The following GALNT18 variants were observed in gnomAD, a reference collection of about 807,000 sequenced individuals.
GALNT18 encodes the protein GalNAc-transferase 18.
A neutral mutation model predicts 69.5 loss-of-function variants in GALNT18; 44 were observed. The ratio of observed to expected loss-of-function variants is 0.63; its 90% CI spans 0.50 to 0.81. GALNT18 has a LOEUF of 0.81. Ranked by LOEUF, GALNT18 falls within the 40% of genes least tolerant of loss-of-function variation. The pLI, the probability that GALNT18 is intolerant of heterozygous loss-of-function variation, is 0.00. For synonymous variants in GALNT18, 364 were observed against 318.2 expected, an observed-to-expected ratio of 1.14 and a Z score of -1.53; for missense variants, 715 against 810.0, an observed-to-expected ratio of 0.88 and a Z score of 1.42.
At chr11:11,400,386 A>C (rs977500874) in intron 3 of GALNT18, among the ~76,000 whole-genome samples, 1 of 152,242 alleles carries the variant, frequency 6.6e-6, no homozygotes, top group Non-Finnish European at 1.5e-5. Context: ...ATCATTAGAC[A>C]AAGTGTTCCT....
intron 6 of GALNT18, among the ~76,000 whole-genome samples, chr11:11,364,890 C>T (rs1393303063): frequency 6.6e-6 from 1 of 152,142 alleles, no homozygotes; most frequent in African/African-American, 2.4e-5. Context: ...AAAGATGAAA[C>T]CAAATTGGCC....
At chr11:11,316,805 G>A (rs191108018) in intron 9 of GALNT18, among the ~76,000 whole-genome samples, 9 of 152,304 alleles carry the variant, frequency 5.9e-5, no homozygotes, top group African/African-American at 2.2e-4. Context: ...GTGTGGAGCA[G>A]TAGGTTGTAA....
intron 1 of GALNT18, among the ~76,000 whole-genome samples, chr11:11,589,356 C>T (rs913195409): frequency 6.6e-6 from 1 of 152,164 alleles, no homozygotes; most frequent in Non-Finnish European, 1.5e-5. Context: ...AAGAAAAAAA[C>T]CAAAACAGAC....
At position 11,620,865 on chromosome 11, in the gene GALNT18, C is replaced by T. The variant is rs553234638; in HGVS notation, c.235+494G>A. Among the ~76,000 whole-genome samples, 156 of 152,344 alleles carry T rather than the reference C, an allele frequency of 1.0e-3. No individual in the cohort carries two copies. Among genetic ancestry groups the T allele is most frequent in the African/African-American group, 3.6e-3 (150 of 41,590 alleles). ...GCTGATACAACGCAATTTTCCTAGCCTCGCTTGTCCGGCAGCCTGCGGGTC... is the reference window on the plus strand; with the variant it reads ...GCTGATACAACGCAATTTTCCTAGCTTCGCTTGTCCGGCAGCCTGCGGGTC... On this transcript the variant is annotated intron_variant, in intron 1 of 10. Transcript: ENST00000227756. The surrounding 1 kb of genome is among the most constrained non-coding windows in gnomAD (Gnocchi z 6.9).
chr11:11,570,978 T>C (rs1858781217), intron 1 of GALNT18, among the ~76,000 whole-genome samples: 1 of 152,242 alleles, frequency 6.6e-6, no homozygotes, highest in East Asian at 1.9e-4. Flanking sequence ...GTGTTTTTCA[T>C]GGGCCCCAAG....
rs1856241594 is a variant in GALNT18, at chr11:11,470,300, A to C, written c.236-21364T>G. ...GACCCAGGCACCAAGGGACATCCACATTCTGTCTCTACATAGTCCTGTGCA... is the reference window on the plus strand; with the variant it reads ...GACCCAGGCACCAAGGGACATCCACCTTCTGTCTCTACATAGTCCTGTGCA... On this transcript the variant is annotated intron_variant, in intron 1 of 10. Transcript: ENST00000227756. The surrounding 1 kb of genome is among the most constrained non-coding windows in gnomAD (Gnocchi z 4.8). Among the ~76,000 whole-genome samples, 1 of 152,186 alleles carries C rather than the reference A, an allele frequency of 6.6e-6. No homozygotes were observed. The highest frequency in any genetic ancestry group is 6.5e-5 in the Admixed American group (1 of 15,272).
chr11:11,372,705 C>G lies in GALNT18; in HGVS notation c.978-76G>C. ...AGTAAGAGCAGTAAGGCCTTCCTAT[C>G]AGGAGGGTCTGGTTCTCTTCCTTCC... On this transcript the variant is annotated intron_variant, in intron 5 of 10. Coordinates refer to ENST00000227756, the MANE Select transcript of GALNT18 (RefSeq NM_198516.3). The surrounding 1 kb of genome is among the most constrained non-coding windows in gnomAD (Gnocchi z 4.9). 4 of 1,110,550 alleles carry G rather than the reference C, an allele frequency of 3.6e-6. No homozygotes were observed. Among genetic ancestry groups the G allele is most frequent in the Non-Finnish European group, 5.4e-6 (4 of 741,038 alleles). 68.8% of individuals were successfully genotyped at this position (1,110,550 alleles called of 1,614,324 possible).
chr11:11,537,231 C>T (rs928364741), intron 1 of GALNT18, among the ~76,000 whole-genome samples: 1 of 152,050 alleles, frequency 6.6e-6, no homozygotes, highest in African/African-American at 2.4e-5. Flanking sequence ...CGGGGTGGAG[C>T]TGTGAGTCAG....
At chr11:11,567,171 G>A (rs1415640449) in intron 1 of GALNT18, among the ~76,000 whole-genome samples, 4 of 152,158 alleles carry the variant, frequency 2.6e-5, no homozygotes, top group Admixed American at 2.6e-4. Flanking sequence ...CTGATCAAAG[G>A]CCACCTGGAA....
intron 10 of GALNT18, among the ~76,000 whole-genome samples, chr11:11,285,831 C>T (rs1849181687): frequency 6.6e-6 from 1 of 152,206 alleles, no homozygotes; most frequent in African/African-American, 2.4e-5. Context: ...GGGAAATGTG[C>T]TCTGCAAATA....
intron 3 of GALNT18, among the ~76,000 whole-genome samples, chr11:11,424,895 A>C (rs1303512662): frequency 6.6e-6 from 1 of 152,136 alleles, no homozygotes; most frequent in Non-Finnish European, 1.5e-5. Context: ...TGGTCTGGCT[A>C]TGGGCCACCA....
intron 9 of GALNT18, among the ~76,000 whole-genome samples, chr11:11,303,771 C>A (rs1326313456): frequency 3.9e-5 from 6 of 152,240 alleles, no homozygotes; most frequent in South Asian, 2.1e-4. Context: ...TGACCTGGGA[C>A]TGTTTATGGG....
intron 6 of GALNT18, among the ~76,000 whole-genome samples, chr11:11,354,867 A>G (rs1850494314): frequency 3.9e-5 from 6 of 152,052 alleles, no homozygotes; most frequent in Admixed American, 3.9e-4. Flanking sequence ...TCTGCCCCTC[A>G]TCCATCTAAT....
Position 11,586,861 on chromosome 11 carries a change from G to A in GALNT18, c.235+34498C>T, listed in dbSNP as rs184477268. On this transcript the variant is annotated intron_variant, in intron 1 of 10. Coordinates refer to ENST00000227756, the MANE Select transcript of GALNT18 (RefSeq NM_198516.3). This position sits in a 1 kb window ranked among gnomAD's most constrained non-coding sequence, Gnocchi z 4.1. ...AAAAAAGCCAGGTGTGGTGGCGGGC[G>A]TCTGTAATCCCAGCTACTCAGGAGG... is the stretch of plus-strand genomic sequence containing the variant. Among the ~76,000 whole-genome samples, 114 of 151,950 alleles carry A rather than the reference G, an allele frequency of 7.5e-4. 2 individuals carry two copies. The highest frequency in any genetic ancestry group is 2.8e-4 in the Non-Finnish European group (19 of 67,970).
intron 3 of GALNT18, among the ~76,000 whole-genome samples, chr11:11,386,543 T>C (rs575651135): frequency 7.9e-5 from 12 of 152,364 alleles, no homozygotes; most frequent in African/African-American, 2.9e-4. Context: ...TGTGTATGGA[T>C]GTGTGTTTGA....
intron 1 of GALNT18, among the ~76,000 whole-genome samples, chr11:11,501,290 T>C (rs2094702334): frequency 6.6e-6 from 1 of 152,214 alleles, no homozygotes; most frequent in African/African-American, 2.4e-5. Context: ...CTTTTGAAAC[T>C]CTGTAACTAT....
intron 1 of GALNT18, among the ~76,000 whole-genome samples, chr11:11,610,482 C>G (rs1053756344): frequency 2.0e-5 from 3 of 152,210 alleles, no homozygotes; most frequent in African/African-American, 2.4e-5. Flanking sequence ...TAATTCTCTT[C>G]CTCTTCCCAT....
At chr11:11,599,060 T>A (rs150043600) in intron 1 of GALNT18, among the ~76,000 whole-genome samples, 8 of 152,268 alleles carry the variant, frequency 5.3e-5, no homozygotes, top group African/African-American at 1.9e-4. Flanking sequence ...AAAAAATGTG[T>A]ATTCTGCTGT....
In GALNT18 at chr11:11,454,230, TC is replaced by T. The variant is rs1243329128; in HGVS notation, c.236-5295del. Among the ~76,000 whole-genome samples, 2 of 152,096 alleles carry T rather than the reference TC, an allele frequency of 1.3e-5. No homozygotes were observed. Among genetic ancestry groups the T allele is most frequent in the Non-Finnish European group, 2.9e-5 (2 of 68,010 alleles). ...ATTCCAGCTGTGTGCAGTTAATTCC[TC>T]CCCAGTTCACTTAAGCAAATGATTG... On this transcript the variant is annotated intron_variant, in intron 1 of 10. Transcript: ENST00000227756. This position sits in a 1 kb window ranked among gnomAD's most constrained non-coding sequence, Gnocchi z 4.2.
Sources: gnomAD v4.1 joint callset for allele counts (sites outside exome capture counted in the v4.1 genomes callset) on GRCh38, gnomAD v4.1.1 for gene constraint, Gnocchi (gnomAD v3.1) non-coding constraint, MANE v1.5 for transcripts, NCBI Gene and HGNC (gene_info 2026-07-23, HGNC 2026-07-21) for gene names.